Variants in BRK1 observed in about 807,000 individuals in gnomAD.
The protein encoded by BRK1 is protein BRICK1.
Under a neutral mutation model 9.9 loss-of-function variants are expected in BRK1, and 6 were observed. The ratio of observed to expected loss-of-function variants is 0.60; its 90% CI spans 0.33 to 1.19. The LOEUF (loss-of-function observed/expected upper bound fraction) is 1.19. Among genes scored for constraint, BRK1 ranks in the 50% most tolerant of loss-of-function variants. The pLI, the probability that BRK1 is intolerant of heterozygous loss-of-function variation, is 0.04. For synonymous variants in BRK1, 44 were observed against 31.9 expected, an observed-to-expected ratio of 1.38 and a Z score of -1.28; for missense variants, 62 against 97.5, an observed-to-expected ratio of 0.64 and a Z score of 1.53.
In BRK1 at chr3:10,124,697, G is replaced by A. The variant is rs1380265977; in HGVS notation, c.119-929G>A. On this transcript the variant is annotated intron_variant, in intron 1 of 2. Transcript: ENST00000530758. ...AGCAGGACTGCCTTCCTTTCTGGAG[G>A]CTCTAGGAGAGGGTCTAGTTCCTCG... Among the ~76,000 whole-genome samples the A allele has an allele frequency of 2.6e-5, 4 of 152,110 alleles. No homozygotes were observed. The South Asian group carries it at 6.2e-4, about 24-fold the overall frequency.
intron 2 of BRK1, among the ~76,000 whole-genome samples, 187 bp from the exon 3 acceptor site, chr3:10,126,082 C>T (rs1458781362): frequency 6.6e-6 from 1 of 152,156 alleles, no homozygotes; most frequent in Non-Finnish European, 1.5e-5. Flanking sequence ...CAGAGTGAGA[C>T]TCCATCTCAA....
At chr3:10,119,770 G>A (rs539127211) in intron 1 of BRK1, among the ~76,000 whole-genome samples, 10 of 152,206 alleles carry the variant, frequency 6.6e-5, no homozygotes, top group African/African-American at 2.4e-4. Flanking sequence ...AGAGATTATC[G>A]CTTTTTATTC....
At position 10,115,738 on chromosome 3, in the gene BRK1, C is replaced by T; in HGVS notation, c.37C>T (p.His13Tyr). The change falls in exon 1 of 3, where the codon CAC (histidine) becomes TAC (tyrosine). Residue 13 changes from histidine (H) to tyrosine (Y), a missense_variant. Coordinates refer to ENST00000530758, the MANE Select transcript of BRK1 (RefSeq NM_018462.5). ...GQEDPVQREI[H>Y]QDWANREYIE... ...GGAGGATCCGGTGCAGCGGGAGATT[C>T]ACCAGGACTGGGCTAACCGGGAGTA... is the stretch of plus-strand genomic sequence containing the variant. The T allele has an allele frequency of 6.2e-7, 1 of 1,610,502 alleles. No individual in the cohort carries two copies. Among genetic ancestry groups the T allele is most frequent in the Non-Finnish European group, 8.5e-7 (1 of 1,177,934 alleles).
At chr3:10,119,075 C>T (rs1196787481) in intron 1 of BRK1, among the ~76,000 whole-genome samples, 2 of 149,202 alleles carry the variant, frequency 1.3e-5, no homozygotes, top group Non-Finnish European at 3.0e-5. Flanking sequence ...GGTGCGATCT[C>T]GGCTCACTGC....
At chr3:10,120,691 C>T (rs542968383) in intron 1 of BRK1, among the ~76,000 whole-genome samples, 1 of 152,136 alleles carries the variant, frequency 6.6e-6, no homozygotes, top group Non-Finnish European at 1.5e-5. Context: ...TTTGAACCAG[C>T]GTATACTTAT....
chr3:10,124,502 T>G (rs959903458), intron 1 of BRK1, among the ~76,000 whole-genome samples: 16 of 152,086 alleles, frequency 1.1e-4, no homozygotes, highest in Admixed American at 9.8e-4. Flanking sequence ...ATTTTGTGGC[T>G]TAAACCACAT....
rs1048890798 is a variant in BRK1 at position 10,124,543 on chromosome 3, A to T, written c.119-1083A>T. ...TATTATTTACCATGTGTAGGTCATA[A>T]ATCAAACACTGGTCACTGGGCTAGC... On this transcript the variant is annotated intron_variant, in intron 1 of 2. Coordinates refer to ENST00000530758, the MANE Select transcript of BRK1 (RefSeq NM_018462.5). Among the ~76,000 whole-genome samples the T allele has an allele frequency of 2.6e-5, 4 of 152,034 alleles. 1 individual carries two copies. The highest frequency in any genetic ancestry group is 9.7e-5 in the African/African-American group (4 of 41,370).
At chr3:10,116,192 C>T (rs886721252) in intron 1 of BRK1, among the ~76,000 whole-genome samples, 31 of 152,186 alleles carry the variant, frequency 2.0e-4, no homozygotes, top group Non-Finnish European at 1.2e-4. Flanking sequence ...AGTGAGCATC[C>T]GGGACCGTGT....
At chr3:10,122,175 G>A (rs948998472) in intron 1 of BRK1, among the ~76,000 whole-genome samples, 4 of 151,398 alleles carry the variant, frequency 2.6e-5, no homozygotes, top group Non-Finnish European at 5.9e-5. Flanking sequence ...CGCCCGCCTC[G>A]GCCTCCCAAA....
chr3:10,125,100 T>C (rs749915565), intron 1 of BRK1, among the ~76,000 whole-genome samples: 12 of 152,058 alleles, frequency 7.9e-5, no homozygotes, highest in Non-Finnish European at 1.3e-4. Flanking sequence ...GATCCAGGGA[T>C]TAGAGAAAGG....
At chr3:10,120,012 A>G (rs4684035) in intron 1 of BRK1, among the ~76,000 whole-genome samples, 1 of 151,392 alleles carries the variant, frequency 6.6e-6, no homozygotes, top group Non-Finnish European at 1.5e-5. Context: ...AACTACAAAA[A>G]CATTCCAAAA....
At chr3:10,120,931 A>G (rs149433531) in intron 1 of BRK1, among the ~76,000 whole-genome samples, 31 of 152,338 alleles carry the variant, frequency 2.0e-4, no homozygotes, top group Non-Finnish European at 2.5e-4. Flanking sequence ...GATAATATTC[A>G]TGCTCTTACT....
chr3:10,126,191 A>C lies in BRK1; in HGVS notation c.202-78A>C, dbSNP rs184954016. ...TCTTTTCTGCTATTTCTCACTGCCT[A>C]GGATCTAAAGATTTTTTTTTAGACC... On this transcript the variant is annotated intron_variant, in intron 2 of 2. Transcript: ENST00000530758. The C allele has an allele frequency of 1.2e-4, 124 of 1,021,408 alleles. No homozygotes were observed. The African/African-American group carries it at 1.9e-3, about 16-fold the overall frequency. 63.3% of individuals were successfully genotyped at this position (1,021,408 alleles called of 1,614,324 possible).
rs561443497 is a variant in BRK1 at position 10,124,470 on chromosome 3, C to A, written c.119-1156C>A. 3.4e-3 allele frequency among the ~76,000 whole-genome samples: 518 copies of A among 151,324 alleles called. 4 individuals are homozygous for A. The highest frequency in any genetic ancestry group is 0.014 in the Middle Eastern group (4 of 294). On this transcript the variant is annotated intron_variant, in intron 1 of 2. Transcript: ENST00000530758. ...TGAGACTCCATCTCAAAAAAAAAAACCAAAAAAACAAATTACCACACATTT... is the reference window on the plus strand; with the variant it reads ...TGAGACTCCATCTCAAAAAAAAAAAACAAAAAAACAAATTACCACACATTT...
chr3:10,117,038 T>C (rs905689114), intron 1 of BRK1, among the ~76,000 whole-genome samples: 1 of 151,528 alleles, frequency 6.6e-6, no homozygotes, highest in African/African-American at 2.4e-5. Flanking sequence ...AGCCCAGGAG[T>C]TCAAGACCAG....
intron 1 of BRK1, among the ~76,000 whole-genome samples, chr3:10,120,027 GAC>G (rs1364545508): frequency 1.4e-5 from 2 of 147,968 alleles, no homozygotes; most frequent in Non-Finnish European, 3.0e-5. Context: ...CCAAAAGAAA[GAC>G]AGTTTTTGTT....
At chr3:10,124,175 C>G (rs1211309251) in intron 1 of BRK1, among the ~76,000 whole-genome samples, 1 of 151,948 alleles carries the variant, frequency 6.6e-6, no homozygotes, top group Non-Finnish European at 1.5e-5. Flanking sequence ...ACCACACAGG[C>G]TGGGCACAGT....
At chr3:10,118,252 C>CAAAAAAAAA (rs59622736) in intron 1 of BRK1, among the ~76,000 whole-genome samples, 2 of 67,468 alleles carry the variant, frequency 3.0e-5, no homozygotes, top group Non-Finnish European at 6.2e-5. Flanking sequence ...ACTCTGTCTC[C>CAAAAAAAAA]AAAAAAAAAA....
chr3:10,125,498 A>G (rs1199054260), intron 1 of BRK1, 128 bp from the exon 2 acceptor site: 2 of 610,456 alleles, frequency 3.3e-6, no homozygotes, highest in East Asian at 3.0e-5. Context: ...CTATGAGTGG[A>G]TCTTAGCACT....
Sources: allele counts gnomAD v4.1 joint callset (sites outside exome capture counted in the v4.1 genomes callset), GRCh38; gene constraint gnomAD v4.1.1; transcripts MANE v1.5; gene names NCBI Gene and HGNC (gene_info 2026-07-23, HGNC 2026-07-21).